The following MYO5C variants were observed in gnomAD, a reference collection of about 807,000 sequenced individuals.
The protein encoded by MYO5C is myosin VC, also known as unconventional myosin-Vc.
MYO5C carries 194 observed loss-of-function variants against 235.7 expected under a neutral mutation model. The observed-to-expected ratio is 0.82, with a 90% CI of 0.73 to 0.93. The LOEUF (loss-of-function observed/expected upper bound fraction) is 0.93. Ranked by LOEUF, MYO5C falls within the 40% of genes least tolerant of loss-of-function variation. The probability of loss-of-function intolerance (pLI) is 0.00; values close to 1 mark genes in which losing one functional copy is unlikely to be tolerated. For synonymous variants in MYO5C, 707 were observed against 754.8 expected (o/e 0.94, Z 1.04); for missense variants, 2,038 against 2,127.2 (o/e 0.96, Z 0.82).
intron 40 of MYO5C, among the ~76,000 whole-genome samples, chr15:52,194,968 A>G (rs1200195118): frequency 6.6e-6 from 1 of 152,144 alleles, no homozygotes; most frequent in East Asian, 1.9e-4. Context: ...GGGATCCTTG[A>G]GCCAAACTTG....
chr15:52,285,305 T>G (rs2037236133), intron 1 of MYO5C, among the ~76,000 whole-genome samples: 1 of 149,502 alleles, frequency 6.7e-6, no homozygotes, highest in East Asian at 2.0e-4. Flanking sequence ...GAGGTGGAGG[T>G]TGCAGTGAGC....
intron 21 of MYO5C, among the ~76,000 whole-genome samples, chr15:52,238,135 A>G (rs1596176357): frequency 6.6e-6 from 1 of 152,192 alleles, no homozygotes; most frequent in Admixed American, 6.5e-5. Context: ...GGTGGCAGCC[A>G]TCTACAAGCT....
At position 52,229,280 on chromosome 15, in the gene MYO5C, T is replaced by G; in HGVS notation, c.3060A>C (p.Gln1020His). The change falls in exon 25 of 41, where the codon CAA becomes CAC. Residue 1020 changes from glutamine to histidine, a missense_variant. By Grantham distance (24) the Gln-to-His change is conservative. Transcript: ENST00000261839. Reference sequence around the variant, plus strand: ...AAGACTGAATCTGCTTCTCATAGTCTTGTGTTTTCAGTTCAAAACTTTTTT... The same window carrying G: ...AAGACTGAATCTGCTTCTCATAGTCGTGTGTTTTCAGTTCAAAACTTTTTT... ...LLEKSFELKT[Q>H]DYEKQIQSLK... The G allele has an allele frequency of 6.2e-7, 1 of 1,614,154 alleles. No homozygotes were observed. The highest frequency in any genetic ancestry group is 1.1e-5 in the South Asian group (1 of 91,080).
At chr15:52,245,567 G>A in intron 17 of MYO5C, 102 bp from the exon 18 acceptor site, 1 of 825,088 alleles carries the variant, frequency 1.2e-6, no homozygotes, top group Non-Finnish European at 2.1e-6. Context: ...GGGCGGGGGT[G>A]GTGCAATCTG....
At chr15:52,246,828 A>T (rs1049182396) in intron 16 of MYO5C, 89 bp downstream of exon 16, 9 of 1,033,870 alleles carry the variant, frequency 8.7e-6, no homozygotes, top group Admixed American at 2.3e-5. Flanking sequence ...AAACAGGGTA[A>T]TCTCAAGACA....
chr15:52,204,791 C>A, intron 38 of MYO5C, 74 bp downstream of exon 38: 2 of 1,524,084 alleles, frequency 1.3e-6, no homozygotes, highest in East Asian at 4.6e-5. Flanking sequence ...GAGGGTCAGG[C>A]GCGTGGGGCC....
rs1273351881 is a variant in MYO5C, at chr15:52,204,917, T to C, written c.4768A>G (p.Ser1590Gly). 1.2e-6 allele frequency: 2 copies of C among 1,614,112 alleles called. No individual in the cohort carries two copies. The highest frequency in any genetic ancestry group is 1.7e-6 in the Non-Finnish European group (2 of 1,180,042). The change falls in exon 38 of 41, where the codon AGC (serine) becomes GGC (glycine). Residue 1590 changes from serine to glycine, a missense_variant. By Grantham distance (56) the Ser-to-Gly change is moderately conservative. Transcript: ENST00000261839. ...CACATGTCCTTGCGCAGGAAGAGGC[T>C]GTTCAGCGTGACCGCCCCGATCAAG... ...FFLIGAVTLN[S>G]LFLRKDMCSC...
chr15:52,238,954 C>G (rs1193862023), intron 21 of MYO5C, among the ~76,000 whole-genome samples: 2 of 144,662 alleles, frequency 1.4e-5, no homozygotes, highest in East Asian at 4.2e-4. Flanking sequence ...TGTTTCTTTT[C>G]TTTTGTTTTT....
At chr15:52,216,943 C>A (rs1007688534) in intron 32 of MYO5C, among the ~76,000 whole-genome samples, 11 of 152,186 alleles carry the variant, frequency 7.2e-5, no homozygotes, top group African/African-American at 2.7e-4. Flanking sequence ...GCCTGGAGCC[C>A]TCTAGAAGCT....
At chr15:52,212,262 A>G (rs1223610976) in intron 34 of MYO5C, among the ~76,000 whole-genome samples, 1 of 152,190 alleles carries the variant, frequency 6.6e-6, no homozygotes, top group Non-Finnish European at 1.5e-5. Context: ...AGTCACATGA[A>G]GCTGCCTTGA....
intron 24 of MYO5C, among the ~76,000 whole-genome samples, chr15:52,231,506 G>A (rs370780844): frequency 5.1e-4 from 77 of 152,238 alleles, no homozygotes; most frequent in Non-Finnish European, 6.3e-4. Flanking sequence ...AAAACTCATC[G>A]ACAATTATAT....
intron 33 of MYO5C, among the ~76,000 whole-genome samples, chr15:52,214,228 T>G (rs2035507168): frequency 6.6e-6 from 1 of 152,202 alleles, no homozygotes; most frequent in Admixed American, 6.5e-5. Flanking sequence ...AGCTCTCTAC[T>G]TTTCTAATAG....
At chr15:52,245,553 C>A in intron 17 of MYO5C, 88 bp from the exon 18 acceptor site, 1 of 909,100 alleles carries the variant, frequency 1.1e-6, no homozygotes, top group South Asian at 1.3e-5. Context: ...CCACTGTTGT[C>A]ATAGGGCGGG....
intron 1 of MYO5C, among the ~76,000 whole-genome samples, chr15:52,286,068 G>T (rs951233180): frequency 6.6e-6 from 1 of 151,368 alleles, no homozygotes; most frequent in African/African-American, 2.4e-5. Context: ...TGTGAGGAGC[G>T]TCTCTGCCCG....
At chr15:52,266,125 C>A (rs1423951575) in intron 8 of MYO5C, among the ~76,000 whole-genome samples, 2 of 152,190 alleles carry the variant, frequency 1.3e-5, no homozygotes, top group African/African-American at 4.8e-5. Context: ...TTAAACTACT[C>A]CAGGCCTTCC....
At chr15:52,218,470 A>G in intron 32 of MYO5C, 49 bp downstream of exon 32, 1 of 1,577,450 alleles carries the variant, frequency 6.3e-7, no homozygotes, top group Non-Finnish European at 8.7e-7. Context: ...CCCTTTCAGC[A>G]ACATCTGCAC....
chr15:52,205,133 C>G lies in MYO5C; in HGVS notation c.4552G>C (p.Glu1518Gln). 1 of 1,613,866 alleles carries G rather than the reference C, an allele frequency of 6.2e-7. No homozygotes were observed. The highest frequency in any genetic ancestry group is 8.5e-7 in the Non-Finnish European group (1 of 1,179,836). Residue 1518 changes from glutamate (E) to glutamine (Q), a missense_variant, in exon 38 of 41, where the codon GAG becomes CAG. Glu to Gln is a conservative substitution (Grantham distance 29). Coordinates refer to ENST00000261839, the MANE Select transcript of MYO5C (RefSeq NM_018728.4). ...IQPIIVPGML[E>Q]YESLQGISGL... ...GAAATGCCCTGCAGGCTCTCATACT[C>G]CAGCATTCCCGGAACTGCGGAGAGA...
At position 52,246,977 on chromosome 15, in the gene MYO5C, T is replaced by C. The variant is rs779134352; in HGVS notation, c.1919A>G (p.Asn640Ser). Residue 640 changes from asparagine to serine, a missense_variant, in exon 16 of 41, where the codon AAT (asparagine) becomes AGT (serine). Physicochemically the swap from Asn to Ser is conservative, Grantham distance 46. Transcript: ENST00000261839. Reference protein sequence around the residue: ...SSLYLLMETLNATTPHYVRCI... With the variant: ...SSLYLLMETLSATTPHYVRCI... ...TCGAACGTAGTGGGGCGTCGTCGCA[T>C]TGAGGGTCTCCATGAGCAAGTACAG... The C allele has an allele frequency of 4.3e-6, 7 of 1,613,994 alleles. No individual in the cohort carries two copies. Among genetic ancestry groups the C allele is most frequent in the Non-Finnish European group, 3.4e-6 (4 of 1,180,002 alleles).
chr15:52,277,661 C>T (rs1384156020), intron 4 of MYO5C, among the ~76,000 whole-genome samples: 2 of 152,134 alleles, frequency 1.3e-5, no homozygotes, highest in East Asian at 3.9e-4. Flanking sequence ...CCCTTCCCCT[C>T]ATATGCCTTG....
Sources: allele counts gnomAD v4.1 joint callset (sites outside exome capture counted in the v4.1 genomes callset), GRCh38; gene constraint gnomAD v4.1.1; transcripts MANE v1.5; gene names NCBI Gene and HGNC (gene_info 2026-07-23, HGNC 2026-07-21).